KCNC2: variants seen among roughly 807,000 people sequenced by gnomAD.
KCNC2 encodes potassium voltage-gated channel subfamily C member 2.
Under a neutral mutation model 44.5 loss-of-function variants are expected in KCNC2, and 21 were observed. The observed-to-expected ratio is 0.47, with a 90% CI of 0.33 to 0.68. The LOEUF (loss-of-function observed/expected upper bound fraction) is 0.68, where lower values mean the gene tolerates loss of function less well. Among genes scored for constraint, KCNC2 ranks in the 30% least tolerant of loss-of-function variants. The pLI, the probability that KCNC2 is intolerant of heterozygous loss-of-function variation, is 0.01. For synonymous variants in KCNC2, 391 were observed against 339.1 expected (o/e 1.15, Z -1.68); for missense variants, 589 against 826.2 (o/e 0.71, Z 3.52).
chr12:75,203,846 T>C (rs1383541580), intron 2 of KCNC2, among the ~76,000 whole-genome samples: 1 of 151,920 alleles, frequency 6.6e-6, no homozygotes, highest in African/African-American at 2.4e-5. Context: ...TAGTATTTTG[T>C]CCTTATGTGA....
Position 75,050,419 on chromosome 12 carries a change from T to C in KCNC2, c.1586A>G (p.Asp529Gly), listed in dbSNP as rs1365252327. ...STQSDTCLGK[D>G]NRLLEHNRSV... Reference sequence around the variant, plus strand: ...TCTGTTATGTTCCAGAAGTCGATTGTCTTTGCCCAGACATGTGTCACTCTG... The same window carrying C: ...TCTGTTATGTTCCAGAAGTCGATTGCCTTTGCCCAGACATGTGTCACTCTG... The change falls in exon 3 of 5, where the codon GAC becomes GGC. Residue 529 changes from aspartate to glycine, a missense_variant. By Grantham distance (94) the Asp-to-Gly change is moderately conservative. Coordinates refer to ENST00000549446, the MANE Select transcript of KCNC2 (RefSeq NM_139137.4). The C allele has an allele frequency of 1.2e-6, 2 of 1,612,766 alleles. No individual in the cohort carries two copies. Among genetic ancestry groups the C allele is most frequent in the African/African-American group, 1.3e-5 (1 of 74,932 alleles).
intron 2 of KCNC2, among the ~76,000 whole-genome samples, chr12:75,112,976 C>A: frequency 6.6e-6 from 1 of 152,034 alleles, no homozygotes; most frequent in South Asian, 2.1e-4. Flanking sequence ...GAAAATGGAA[C>A]TTCATAAAAA....
At chr12:75,113,181 C>G (rs899595585) in intron 2 of KCNC2, among the ~76,000 whole-genome samples, 3 of 151,974 alleles carry the variant, frequency 2.0e-5, no homozygotes, top group Non-Finnish European at 4.4e-5. Flanking sequence ...CTGGAATGTT[C>G]AAAGTGAAGA....
Position 75,138,097 on chromosome 12 carries a change from G to T in KCNC2, c.687+69200C>A, listed in dbSNP as rs1234116055. ...CTGACCTGGACATAAACAGAATCCTGCTAACTTCATTTTTAAAGTAATGTT... is the reference window on the plus strand; with the variant it reads ...CTGACCTGGACATAAACAGAATCCTTCTAACTTCATTTTTAAAGTAATGTT... On this transcript the variant is annotated intron_variant, in intron 2 of 4. Transcript: ENST00000549446. Among the ~76,000 whole-genome samples the T allele has an allele frequency of 3.3e-5, 5 of 152,142 alleles. No individual in the cohort carries two copies. The East Asian group carries it at 9.6e-4, about 29-fold the overall frequency.
At chr12:75,160,126 T>C (rs1394979472) in intron 2 of KCNC2, among the ~76,000 whole-genome samples, 1 of 151,620 alleles carries the variant, frequency 6.6e-6, no homozygotes, top group Non-Finnish European at 1.5e-5. Context: ...TTTAAGGAGG[T>C]AATTAAGTTC....
chr12:75,132,997 C>A (rs1412992314), intron 2 of KCNC2, among the ~76,000 whole-genome samples: 1 of 151,788 alleles, frequency 6.6e-6, no homozygotes, highest in Admixed American at 6.6e-5. Context: ...AAGGTTGCTT[C>A]GAATCTTGAA....
intron 2 of KCNC2, among the ~76,000 whole-genome samples, chr12:75,090,344 T>C (rs1041804078): frequency 6.6e-6 from 1 of 151,748 alleles, no homozygotes; most frequent in Non-Finnish European, 1.5e-5. Context: ...ATGCTTTTAA[T>C]AGGCCATTAT....
chr12:75,113,211 A>G (rs770113412), intron 2 of KCNC2, among the ~76,000 whole-genome samples: 1 of 152,178 alleles, frequency 6.6e-6, no homozygotes, highest in Non-Finnish European at 1.5e-5. Flanking sequence ...AATGGGGTCT[A>G]TCATTTGACA....
intron 2 of KCNC2, among the ~76,000 whole-genome samples, chr12:75,109,996 A>G (rs1184841995): frequency 6.6e-6 from 1 of 151,610 alleles, no homozygotes; most frequent in East Asian, 1.9e-4. Context: ...GAGAAAAAAT[A>G]CAAGAATATA....
intron 2 of KCNC2, among the ~76,000 whole-genome samples, chr12:75,171,984 A>G (rs952184379): frequency 2.0e-5 from 3 of 151,768 alleles, no homozygotes; most frequent in African/African-American, 4.8e-5. Context: ...AAACCTGCAT[A>G]TACTGCACAT....
intron 2 of KCNC2, among the ~76,000 whole-genome samples, chr12:75,091,555 G>A (rs1171361233): frequency 6.6e-6 from 1 of 151,652 alleles, no homozygotes; most frequent in Non-Finnish European, 1.5e-5. Context: ...TTATCCTCAC[G>A]AAACCTAGCG....
At chr12:75,121,295 T>C (rs141443442) in intron 2 of KCNC2, among the ~76,000 whole-genome samples, 1 of 152,344 alleles carries the variant, frequency 6.6e-6, no homozygotes, top group East Asian at 1.9e-4. Flanking sequence ...TCTTCCAATG[T>C]CAGCTGATTT....
chr12:75,189,879 C>A (rs1450437437), intron 2 of KCNC2, among the ~76,000 whole-genome samples: 1 of 152,198 alleles, frequency 6.6e-6, no homozygotes, highest in African/African-American at 2.4e-5. Context: ...TCTTCTGTAA[C>A]CTCGTGGATT....
chr12:75,043,289 A>C (rs1880125739), intron 4 of KCNC2, 48 bp from the exon 5 acceptor site: 1 of 1,607,122 alleles, frequency 6.2e-7, no homozygotes, highest in Admixed American at 1.7e-5. Flanking sequence ...ACCAGAATAT[A>C]GACAGACAAA....
At chr12:75,057,497 A>G (rs2136972247) in intron 2 of KCNC2, among the ~76,000 whole-genome samples, 1 of 152,132 alleles carries the variant, frequency 6.6e-6, no homozygotes, top group Middle Eastern at 3.4e-3. Flanking sequence ...ACCACTTAAA[A>G]ACAGATCCAC....
chr12:75,196,105 A>G (rs771661605), intron 2 of KCNC2, among the ~76,000 whole-genome samples: 13 of 152,076 alleles, frequency 8.5e-5, no homozygotes, highest in Non-Finnish European at 1.5e-4. Context: ...TTAACCTCCA[A>G]ATCACCCTGT....
At chr12:75,106,162 T>A (rs1886766087) in intron 2 of KCNC2, among the ~76,000 whole-genome samples, 1 of 152,124 alleles carries the variant, frequency 6.6e-6, no homozygotes, top group South Asian at 2.1e-4. Context: ...AATCTCAGTG[T>A]TGTCAAGGAT....
At chr12:75,053,727 T>C (rs1198132996) in intron 2 of KCNC2, among the ~76,000 whole-genome samples, 1 of 148,198 alleles carries the variant, frequency 6.7e-6, no homozygotes, top group East Asian at 1.9e-4. Flanking sequence ...TTTCCTATTA[T>C]AGTAATATTT....
At chr12:75,136,989 A>G (rs1889278186) in intron 2 of KCNC2, among the ~76,000 whole-genome samples, 1 of 152,158 alleles carries the variant, frequency 6.6e-6, no homozygotes, top group Admixed American at 6.6e-5. Context: ...ATTTGCAATT[A>G]TAACCTGCTC....
Sources: allele counts gnomAD v4.1 joint callset (sites outside exome capture counted in the v4.1 genomes callset), GRCh38; gene constraint gnomAD v4.1.1; transcripts MANE v1.5; gene names NCBI Gene and HGNC (gene_info 2026-07-23, HGNC 2026-07-21).